Variants in LTBP1 observed in about 807,000 individuals in gnomAD.
LTBP1 encodes latent-transforming growth factor beta-binding protein 1.
A neutral mutation model predicts 207.6 loss-of-function variants in LTBP1; 129 were observed. The observed-to-expected ratio is 0.62, with a 90% confidence interval of 0.54 to 0.72. The LOEUF (loss-of-function observed/expected upper bound fraction) is 0.72, where lower values mean the gene tolerates loss of function less well. LTBP1 is among the 30% of genes least tolerant of loss of function. LTBP1 has a pLI of 0.00. For synonymous variants in LTBP1, 963 were observed against 833.7 expected (o/e 1.16, Z -2.67); for missense variants, 2,281 against 2,217.2 (o/e 1.03, Z -0.58).
intron 19 of LTBP1, chr2:33,291,364 AAG>A (rs1382822643): frequency 1.3e-5 from 2 of 152,238 alleles, no homozygotes; most frequent in African/African-American, 4.8e-5. Context: ...TGAATAATTA[AAG>A]AGAGCAATCC....
intron 3 of LTBP1, among the ~76,000 whole-genome samples, chr2:33,028,986 T>C (rs934690944): frequency 1.3e-5 from 2 of 152,208 alleles, no homozygotes; most frequent in African/African-American, 4.8e-5. Context: ...AATATTGATA[T>C]GAACCTTGAC....
intron 3 of LTBP1, among the ~76,000 whole-genome samples, chr2:33,044,449 C>CT (rs2076347526): frequency 6.6e-6 from 1 of 152,142 alleles, no homozygotes; most frequent in Non-Finnish European, 1.5e-5. Flanking sequence ...TGAACTCATC[C>CT]TTTTTTATGG....
intron 3 of LTBP1, among the ~76,000 whole-genome samples, chr2:33,088,369 T>C (rs2078875965): frequency 6.6e-6 from 1 of 152,068 alleles, no homozygotes; most frequent in Non-Finnish European, 1.5e-5. Flanking sequence ...GGAGAATCAC[T>C]TGAACCCGGG....
chr2:33,251,892 A>G (rs1238900269), intron 10 of LTBP1, among the ~76,000 whole-genome samples: 1 of 152,168 alleles, frequency 6.6e-6, no homozygotes, highest in African/African-American at 2.4e-5. Context: ...TCTTGAAGGC[A>G]GGGCTGTGTT....
At chr2:33,119,078 C>G (rs1339244587) in intron 4 of LTBP1, among the ~76,000 whole-genome samples, 4 of 151,982 alleles carry the variant, frequency 2.6e-5, no homozygotes, top group Non-Finnish European at 1.5e-5. Context: ...TTATAAGAAA[C>G]AAGCAAATTC....
At chr2:33,300,974 A>AAATTT (rs2093978656) in intron 21 of LTBP1, among the ~76,000 whole-genome samples, 1 of 152,238 alleles carries the variant, frequency 6.6e-6, no homozygotes, top group African/African-American at 2.4e-5. Flanking sequence ...TTTGTATTTA[A>AAATTT]CGTTGAAAAA....
chr2:33,174,973 G>T (rs113632096), intron 5 of LTBP1, among the ~76,000 whole-genome samples: 71,246 of 150,480 alleles, frequency 0.47, 17,080 homozygotes, highest in Non-Finnish European at 0.52. Flanking sequence ...GCTGAAACTG[G>T]ATCCCTTCCT....
intron 9 of LTBP1, among the ~76,000 whole-genome samples, chr2:33,225,436 G>A (rs2091377691): frequency 6.6e-6 from 1 of 152,210 alleles, no homozygotes; most frequent in East Asian, 1.9e-4. Flanking sequence ...CATGGCTGGG[G>A]AAGCCTCACA....
intron 5 of LTBP1, among the ~76,000 whole-genome samples, chr2:33,152,756 T>G (rs1440187244): frequency 1.3e-5 from 2 of 152,240 alleles, no homozygotes; most frequent in Non-Finnish European, 2.9e-5. Flanking sequence ...GAGAAATGTC[T>G]GTTCAAGTCC....
intron 10 of LTBP1, among the ~76,000 whole-genome samples, chr2:33,250,240 A>G (rs1251278177): frequency 6.6e-6 from 1 of 152,252 alleles, no homozygotes; most frequent in Non-Finnish European, 1.5e-5. Context: ...CCTGTCAGGT[A>G]TATGTGGCAT....
At chr2:33,309,764 G>A (rs1406969728) in intron 23 of LTBP1, among the ~76,000 whole-genome samples, 3 of 152,210 alleles carry the variant, frequency 2.0e-5, no homozygotes, top group Non-Finnish European at 4.4e-5. Context: ...ACTCACACGA[G>A]TAAGAGCTGT....
intron 32 of LTBP1, among the ~76,000 whole-genome samples, chr2:33,393,350 G>T (rs2095332371): frequency 7.2e-6 from 1 of 138,146 alleles, no homozygotes; most frequent in African/African-American, 2.7e-5. Flanking sequence ...GTGCAGTTTT[G>T]TTACATATGT....
chr2:33,053,975 C>T (rs938324215), intron 3 of LTBP1, among the ~76,000 whole-genome samples: 1 of 152,202 alleles, frequency 6.6e-6, no homozygotes, highest in African/African-American at 2.4e-5. Context: ...TATCCCTAAA[C>T]CCCTGGGGCA....
intron 10 of LTBP1, among the ~76,000 whole-genome samples, chr2:33,246,633 A>G (rs1162661755): frequency 1.3e-5 from 2 of 152,172 alleles, no homozygotes; most frequent in Admixed American, 6.5e-5. Context: ...TTTAGGCCAT[A>G]TCCAGAGCAT....
intron 19 of LTBP1, among the ~76,000 whole-genome samples, chr2:33,285,330 C>T (rs2093643617): frequency 6.6e-6 from 1 of 151,992 alleles, no homozygotes; most frequent in Non-Finnish European, 1.5e-5. Context: ...GGGTAAGCCA[C>T]CGTGCCCGGG....
In LTBP1 at chr2:33,126,755, T is replaced by A. The variant is rs566110280; in HGVS notation, c.1034-8038T>A. On this transcript the variant is annotated intron_variant, in intron 4 of 33. Transcript: ENST00000404816. ...TGAGATCTATTGAGTTTGGCCGTAG[T>A]CCCATAGGGGGAGTAGTTGGGGCCA... Among the ~76,000 whole-genome samples, 6 of 152,272 alleles carry A rather than the reference T, an allele frequency of 3.9e-5. No individual in the cohort carries two copies. The South Asian group carries it at 1.2e-3, about 32-fold the overall frequency.
intron 23 of LTBP1, among the ~76,000 whole-genome samples, chr2:33,310,856 G>A (rs2094175561): frequency 6.6e-6 from 1 of 151,874 alleles, no homozygotes. Context: ...TATTTTCCAT[G>A]GAAAATTCAC....
intron 7 of LTBP1, among the ~76,000 whole-genome samples, chr2:33,210,821 C>T (rs2090255387): frequency 6.6e-6 from 1 of 152,176 alleles, no homozygotes; most frequent in South Asian, 2.1e-4. Context: ...TCTTTGGAAT[C>T]TCTCTCCCCA....
chr2:33,093,621 A>G (rs1003412935), intron 3 of LTBP1, among the ~76,000 whole-genome samples: 3 of 152,192 alleles, frequency 2.0e-5, no homozygotes, highest in Admixed American at 1.3e-4. Context: ...ACATATGTAT[A>G]TATGTACGCA....
Sources: allele counts gnomAD v4.1 joint callset (sites outside exome capture counted in the v4.1 genomes callset), GRCh38; gene constraint gnomAD v4.1.1; transcripts MANE v1.5; gene names NCBI Gene and HGNC (gene_info 2026-07-23, HGNC 2026-07-21).